LSAMP: variants seen among roughly 807,000 people sequenced by gnomAD.
LSAMP encodes limbic system associated membrane protein, also known as limbic system-associated membrane protein.
A neutral mutation model predicts 38.6 loss-of-function variants in LSAMP; 7 were observed. The observed-to-expected ratio is 0.18, with a 90% CI of 0.10 to 0.34. The LOEUF is 0.34. Among genes scored for constraint, LSAMP ranks in the 10% least tolerant of loss-of-function variants. The pLI is 1.00. For missense variants in LSAMP, 313 were observed against 420.0 expected (o/e 0.75, Z 2.23); for synonymous variants, 154 against 166.8 (o/e 0.92, Z 0.59).
At chr3:115,894,403 C>T (rs1936677740) in intron 3 of LSAMP, among the ~76,000 whole-genome samples, 1 of 152,052 alleles carries the variant, frequency 6.6e-6, no homozygotes, top group Non-Finnish European at 1.5e-5. Flanking sequence ...CCAAGACCCT[C>T]GGTACTCTCT....
intron 3 of LSAMP, among the ~76,000 whole-genome samples, chr3:115,889,715 CT>C (rs1400690177): frequency 1.3e-5 from 2 of 151,896 alleles, no homozygotes; most frequent in Non-Finnish European, 2.9e-5. Flanking sequence ...AAGTTTTCCT[CT>C]TTACTATATC....
intron 1 of LSAMP, among the ~76,000 whole-genome samples, chr3:116,352,877 A>G (rs2048161444): frequency 6.6e-6 from 1 of 152,064 alleles, no homozygotes; most frequent in Admixed American, 6.6e-5. Flanking sequence ...CACTTGTCCA[A>G]AGTTTATAGC....
intron 3 of LSAMP, among the ~76,000 whole-genome samples, chr3:115,927,740 A>C (rs1452437360): frequency 6.6e-6 from 1 of 152,126 alleles, no homozygotes; most frequent in East Asian, 1.9e-4. Flanking sequence ...GCTGCCAGGA[A>C]AGGCCTTTCT....
At chr3:116,072,177 G>A (rs766514490) in intron 2 of LSAMP, among the ~76,000 whole-genome samples, 6 of 151,764 alleles carry the variant, frequency 4.0e-5, no homozygotes, top group Non-Finnish European at 7.4e-5. Context: ...GGGTTTCACC[G>A]TGTTAGCCAG....
At chr3:116,089,323 G>A (rs899375459) in intron 1 of LSAMP, among the ~76,000 whole-genome samples, 37 of 152,284 alleles carry the variant, frequency 2.4e-4, no homozygotes, top group African/African-American at 7.7e-4. Flanking sequence ...TGACAAACAA[G>A]TGAATAGTAT....
Position 116,162,064 on chromosome 3 carries a change from T to C in LSAMP, c.156-75508A>G, listed in dbSNP as rs73858551. ...GCAGGAAAGAAAGAACATTAATGGA[T>C]CCACCGCCTCCTTTACCCCTAGAGA... On this transcript the variant is annotated intron_variant, in intron 1 of 6. Transcript: ENST00000490035. Among the ~76,000 whole-genome samples, 122 of 152,094 alleles carry C rather than the reference T, an allele frequency of 8.0e-4. 1 individual carries two copies. The highest frequency in any genetic ancestry group is 2.9e-3 in the African/African-American group (121 of 41,506).
chr3:116,050,931 G>A (rs1176664346), intron 2 of LSAMP, among the ~76,000 whole-genome samples: 2 of 152,100 alleles, frequency 1.3e-5, no homozygotes, highest in Non-Finnish European at 2.9e-5. Context: ...ATGCCAACAG[G>A]ACTCCCAGCA....
chr3:115,824,709 TAAAA>T (rs79375900), intron 6 of LSAMP, among the ~76,000 whole-genome samples: 15 of 128,586 alleles, frequency 1.2e-4, no homozygotes, highest in Non-Finnish European at 2.5e-4. Context: ...GACTCCGTCT[TAAAA>T]AAAAAAAAAA....
intron 3 of LSAMP, among the ~76,000 whole-genome samples, chr3:115,917,740 T>C (rs879258010): frequency 3.9e-5 from 6 of 152,178 alleles, no homozygotes; most frequent in Admixed American, 3.9e-4. Flanking sequence ...TGGTGCCTTT[T>C]AGATACTCAA....
In LSAMP at chr3:116,038,627, C is replaced by CTA. The variant is rs201396989; in HGVS notation, c.389-18989_389-18988dup. Among the ~76,000 whole-genome samples the CTA allele has an allele frequency of 3.7e-3, 559 of 152,162 alleles. 1 individual carries two copies. Among genetic ancestry groups the CTA allele is most frequent in the African/African-American group, 0.011 (476 of 41,526 alleles). ...TCTCTCCCCTTCTCTGAGATGTATG[C>CTA]TATATATATACACCCGCCTCTCATT... On this transcript the variant is annotated intron_variant, in intron 2 of 6. Coordinates refer to ENST00000490035, the MANE Select transcript of LSAMP (RefSeq NM_002338.5).
chr3:115,845,929 T>C lies in LSAMP; in HGVS notation c.650-3351A>G, dbSNP rs115930227. ...CTACTTGCTTCTCTCTTTGAAAACT[T>C]AGGAATTTTCTTGTACCAGGGTAAA... On this transcript the variant is annotated intron_variant, in intron 4 of 6. Coordinates refer to ENST00000490035, the MANE Select transcript of LSAMP (RefSeq NM_002338.5). Among the ~76,000 whole-genome samples, 467 of 152,304 alleles carry C rather than the reference T, an allele frequency of 3.1e-3. 1 individual carries two copies. The highest frequency in any genetic ancestry group is 4.9e-3 in the Non-Finnish European group (330 of 68,034).
chr3:116,192,585 G>T (rs886936494), intron 1 of LSAMP, among the ~76,000 whole-genome samples: 6 of 152,156 alleles, frequency 3.9e-5, no homozygotes, highest in African/African-American at 1.4e-4. Context: ...GAATAAGTTG[G>T]AAGATGTGAA....
intron 1 of LSAMP, among the ~76,000 whole-genome samples, chr3:116,332,726 A>G (rs908830182): frequency 9.2e-5 from 14 of 152,156 alleles, no homozygotes; most frequent in African/African-American, 3.4e-4. Flanking sequence ...ACATGATCCA[A>G]TTATATGCTG....
At chr3:116,050,202 A>T (rs1437609694) in intron 2 of LSAMP, among the ~76,000 whole-genome samples, 1 of 152,032 alleles carries the variant, frequency 6.6e-6, no homozygotes, top group Non-Finnish European at 1.5e-5. Context: ...TTCTCCTGGT[A>T]CAAGTCCTAG....
chr3:116,136,798 T>C (rs1001620469), intron 1 of LSAMP, among the ~76,000 whole-genome samples: 13 of 152,012 alleles, frequency 8.6e-5, no homozygotes, highest in African/African-American at 2.9e-4. Flanking sequence ...AATGTAAGGG[T>C]GCTATGGTAC....
At chr3:116,413,744 T>A (rs901191700) in intron 1 of LSAMP, among the ~76,000 whole-genome samples, 1 of 152,020 alleles carries the variant, frequency 6.6e-6, no homozygotes, top group Non-Finnish European at 1.5e-5. Flanking sequence ...CAATTGTAGT[T>A]CAGGGCTTCC....
intron 3 of LSAMP, among the ~76,000 whole-genome samples, chr3:116,000,944 C>G (rs1256827986): frequency 6.6e-6 from 1 of 152,112 alleles, no homozygotes; most frequent in Non-Finnish European, 1.5e-5. Context: ...AAAGCAAATA[C>G]CTGAAATGAG....
chr3:116,275,076 AG>A (rs2047030463), intron 1 of LSAMP, among the ~76,000 whole-genome samples: 1 of 152,018 alleles, frequency 6.6e-6, no homozygotes, highest in African/African-American at 2.4e-5. Flanking sequence ...ATAAATAAAC[AG>A]GCTCTTGCTC....
Position 115,931,160 on chromosome 3 carries a change from G to A in LSAMP, c.515-78543C>T, listed in dbSNP as rs1458621180. ...TCCACCCGGGATTTCCCACCAGATGGGGAGAGAGCTCATTACTAACCCAGA... is the reference window on the plus strand; with the variant it reads ...TCCACCCGGGATTTCCCACCAGATGAGGAGAGAGCTCATTACTAACCCAGA... On this transcript the variant is annotated intron_variant, in intron 3 of 6. Coordinates refer to ENST00000490035, the MANE Select transcript of LSAMP (RefSeq NM_002338.5). Among the ~76,000 whole-genome samples the A allele has an allele frequency of 5.9e-5, 9 of 152,154 alleles. No homozygotes were observed. The East Asian group carries it at 1.7e-3, about 29-fold the overall frequency.
Sources: allele counts gnomAD v4.1 joint callset (sites outside exome capture counted in the v4.1 genomes callset), GRCh38; gene constraint gnomAD v4.1.1; transcripts MANE v1.5; gene names NCBI Gene and HGNC (gene_info 2026-07-23, HGNC 2026-07-21).